Variants in FOXRED2 observed in about 807,000 individuals in gnomAD.
FOXRED2 encodes the protein FAD-dependent oxidoreductase domain-containing protein 2.
A neutral mutation model predicts 52.5 loss-of-function variants in FOXRED2; 32 were observed. The observed-to-expected ratio is 0.61, with a 90% CI of 0.46 to 0.82. FOXRED2 has a LOEUF of 0.82. FOXRED2 is among the 40% of genes least tolerant of loss of function. FOXRED2 has a pLI of 0.00. For synonymous variants in FOXRED2, 405 were observed against 398.1 expected, an observed-to-expected ratio of 1.02 and a Z score of -0.21; for missense variants, 848 against 937.5, an observed-to-expected ratio of 0.90 and a Z score of 1.25.
At position 36,506,291 on chromosome 22, in the gene FOXRED2, C is replaced by T. The variant is rs1603497004; in HGVS notation, c.132G>A (p.Gln44=). 6.3e-7 allele frequency: 1 copy of T among 1,590,584 alleles called. No individual in the cohort carries two copies. Among genetic ancestry groups the T allele is most frequent in the Non-Finnish European group, 8.6e-7 (1 of 1,169,166 alleles). Residue 44 remains glutamine, a synonymous_variant, in exon 2 of 9, where the codon CAG becomes CAA. Transcript: ENST00000397224. The part of the protein sequence containing the change: ...CVLGAGPAGL[Q]MAYFLQRAGR... ...CAGCGCGCTGCAGGAAGTAGGCCAT[C>T]TGCAGGCCCGCGGGCCCAGCGCCCA...
chr22:36,505,852 G>C, intron 2 of FOXRED2, 44 bp downstream of exon 2: 1 of 1,589,292 alleles, frequency 6.3e-7, no homozygotes, highest in Non-Finnish European at 8.6e-7. Context: ...GTTCGTGTGG[G>C]GAAGGTCCCA....
At chr22:36,498,751 C>A (rs742145) in intron 5 of FOXRED2, among the ~76,000 whole-genome samples, 91,308 of 151,756 alleles carry the variant, frequency 0.6, 28,872 homozygotes, top group Non-Finnish European at 0.71. Context: ...CGCTCTGTTG[C>A]CCAGGCTGGA....
chr22:36,505,784 A>C (rs78779168), intron 2 of FOXRED2, 112 bp downstream of exon 2: 1 of 1,184,916 alleles, frequency 8.4e-7, no homozygotes, highest in Non-Finnish European at 1.2e-6. Context: ...AAAAAAAAAA[A>C]GCGAAATACC....
rs757153981 is a variant in FOXRED2, at chr22:36,505,914, C to G, written c.509G>C (p.Gly170Ala). Residue 170 changes from glycine to alanine, a missense_variant, in exon 2 of 9, where the codon GGC becomes GCC. By Grantham distance (60) the Gly-to-Ala change is moderately conservative. Coordinates refer to ENST00000397224, the MANE Select transcript of FOXRED2 (RefSeq NM_001102371.2). ...GHYFILTDQKGQVHQCSVLFV... is the reference protein window; with the variant it reads ...GHYFILTDQKAQVHQCSVLFV... ...GCCTTACCTGCACTGATGCACCTGGCCCTTCTGGTCAGTTAGGATGAAGTA... is the reference window on the plus strand; with the variant it reads ...GCCTTACCTGCACTGATGCACCTGGGCCTTCTGGTCAGTTAGGATGAAGTA... The G allele has an allele frequency of 7.4e-6, 12 of 1,612,866 alleles. No individual in the cohort carries two copies. The South Asian group carries it at 1.3e-4, about 18-fold the overall frequency.
At chr22:36,500,221 C>T (rs1934008152) in intron 5 of FOXRED2, among the ~76,000 whole-genome samples, 1 of 152,088 alleles carries the variant, frequency 6.6e-6, no homozygotes, top group Admixed American at 6.6e-5. Context: ...AGTTTAATTC[C>T]CATAATGGTG....
intron 6 of FOXRED2, among the ~76,000 whole-genome samples, chr22:36,497,112 G>A (rs1933920524): frequency 1.3e-5 from 2 of 152,004 alleles, no homozygotes; most frequent in Non-Finnish European, 2.9e-5. Flanking sequence ...CCTGGGAGGT[G>A]GGCTGCAGTG....
Position 36,506,248 on chromosome 22 carries a change from A to C in FOXRED2, c.175T>G (p.Phe59Val). The C allele has an allele frequency of 6.2e-7, 1 of 1,613,196 alleles. No homozygotes were observed. Among genetic ancestry groups the C allele is most frequent in the Non-Finnish European group, 8.5e-7 (1 of 1,179,758 alleles). The change falls in exon 2 of 9, where the codon TTC (phenylalanine) becomes GTC (valine). Residue 59 changes from phenylalanine to valine, a missense_variant. Coordinates refer to ENST00000397224, the MANE Select transcript of FOXRED2 (RefSeq NM_001102371.2). ...CTGCCGGGCCGCGGGGCCCGCTCGA[A>C]CACTGCGTAGTCGCGTCCAGCGCGC... Reference protein sequence around the residue: ...LQRAGRDYAVFERAPRPGSFF... With the variant: ...LQRAGRDYAVVERAPRPGSFF...
chr22:36,493,912 C>T lies in FOXRED2; in HGVS notation c.1625-109G>A, dbSNP rs547016098. 1.6e-5 allele frequency: 15 copies of T among 947,520 alleles called. No homozygotes were observed. In the East Asian group the frequency reaches 3.4e-4, roughly 22 times the overall value. The allele number at this position is 947,520 out of a possible 1,614,324, so 58.7% of individuals were successfully genotyped here. A position where few individuals can be genotyped will look rare whatever the true frequency, so the allele number is the denominator to read the frequency against. Reference sequence around the variant, plus strand: ...AGCCCAAACACTTCCCTCGTTCACTCGTGCTCGGCTTTCCCGACAGCCTCC... The same window carrying T: ...AGCCCAAACACTTCCCTCGTTCACTTGTGCTCGGCTTTCCCGACAGCCTCC... On this transcript the variant is annotated intron_variant, in intron 7 of 8. Transcript: ENST00000397224.
At chr22:36,493,153 A>G (rs553228646) in intron 8 of FOXRED2, among the ~76,000 whole-genome samples, 11 of 152,308 alleles carry the variant, frequency 7.2e-5, no homozygotes, top group Admixed American at 5.9e-4. Flanking sequence ...TTGAAAAGAC[A>G]TATTATCAGC....
At chr22:36,493,593 T>G in intron 8 of FOXRED2, 40 bp downstream of exon 8, 1 of 1,583,560 alleles carries the variant, frequency 6.3e-7, no homozygotes. Context: ...TTCTTCAACC[T>G]GGAGCTCAGA....
At chr22:36,504,401 C>T in intron 3 of FOXRED2, 34 bp from the exon 4 acceptor site, 8 of 1,610,854 alleles carry the variant, frequency 5.0e-6, no homozygotes, top group Non-Finnish European at 6.8e-6. Flanking sequence ...GAGAGAGACT[C>T]AGAGGAAAGC....
intron 4 of FOXRED2, among the ~76,000 whole-genome samples, chr22:36,503,701 C>A (rs748351232): frequency 6.6e-6 from 1 of 152,178 alleles, no homozygotes. Context: ...TGGGCCACAG[C>A]GTGGTTAAAT....
At chr22:36,505,780 A>G (rs1934174420) in intron 2 of FOXRED2, 116 bp downstream of exon 2, 1 of 1,209,146 alleles carries the variant, frequency 8.3e-7, no homozygotes, top group Non-Finnish European at 1.2e-6. Flanking sequence ...TAAAAAAAAA[A>G]AAAAGCGAAA....
chr22:36,493,000 G>A (rs1404004409), intron 8 of FOXRED2, among the ~76,000 whole-genome samples: 4 of 152,194 alleles, frequency 2.6e-5, no homozygotes, highest in African/African-American at 9.6e-5. Context: ...CTCCTTTGGA[G>A]GGTTTTGGCT....
chr22:36,491,255 T>G (rs1442093258), intron 8 of FOXRED2, among the ~76,000 whole-genome samples: 5 of 151,662 alleles, frequency 3.3e-5, no homozygotes, highest in Non-Finnish European at 7.4e-5. Flanking sequence ...GGTCTGGGAG[T>G]TCCTCGTGGG....
In FOXRED2 at chr22:36,504,695, C is replaced by A; in HGVS notation, c.599G>T (p.Gly200Val). The change falls in exon 3 of 9, where the codon GGT becomes GTT. Residue 200 changes from glycine to valine, a missense_variant. Transcript: ENST00000397224. ...VDFPGSEYAE[G>V]YESVSVDPED... ...AGGGTCCACGGACACGGACTCGTAA[C>A]CCTCTGCATATTCGGAGCCAGGGAA... The A allele has an allele frequency of 2.5e-6, 4 of 1,614,184 alleles. No homozygotes were observed. The highest frequency in any genetic ancestry group is 3.4e-6 in the Non-Finnish European group (4 of 1,180,042).
intron 2 of FOXRED2, 132 bp from the exon 3 acceptor site, chr22:36,504,898 C>G: frequency 1.1e-6 from 1 of 899,192 alleles, no homozygotes; most frequent in South Asian, 1.7e-5. Context: ...ATAGGACATT[C>G]ATTCATTCAT....
chr22:36,504,346 C>T lies in FOXRED2; in HGVS notation c.801G>A (p.Leu267=). 1.2e-6 allele frequency: 2 copies of T among 1,614,078 alleles called. No homozygotes were observed. Among genetic ancestry groups the T allele is most frequent in the East Asian group, 4.5e-5 (2 of 44,868 alleles). The change falls in exon 4 of 9, where the codon CTG becomes CTA. Residue 267 remains leucine (L), a synonymous_variant. Transcript: ENST00000397224. Reference sequence around the variant, plus strand: ...CCAGGGACTTGAGCTGGTAGGTATCCAGCAGGCCATTGTTGATGGCTCTGA... The same window carrying T: ...CCAGGGACTTGAGCTGGTAGGTATCTAGCAGGCCATTGTTGATGGCTCTGA... ...GDLRAINNGL[L]DTYQLKSLDG...
chr22:36,490,921 C>T (rs559386634), intron 8 of FOXRED2, among the ~76,000 whole-genome samples: 3 of 152,176 alleles, frequency 2.0e-5, no homozygotes, highest in South Asian at 2.1e-4. Flanking sequence ...TCTGGGAGGC[C>T]GAGGCCGGTG....
Sources: gnomAD v4.1 joint callset for allele counts (sites outside exome capture counted in the v4.1 genomes callset) on GRCh38, gnomAD v4.1.1 for gene constraint, MANE v1.5 for transcripts, NCBI Gene and HGNC (gene_info 2026-07-23, HGNC 2026-07-21) for gene names.